Variants in CDH13 observed in about 807,000 individuals in gnomAD.
The protein encoded by CDH13 is cadherin 13.
CDH13 carries 24 observed loss-of-function variants against 63.8 expected under a neutral mutation model. That is an observed-to-expected ratio of 0.38 (90% confidence interval 0.27 to 0.53). CDH13 has a LOEUF of 0.53. CDH13 is among the 20% of genes least tolerant of loss of function. CDH13 has a pLI of 0.85. For synonymous variants in CDH13, 503 were observed against 355.3 expected, an observed-to-expected ratio of 1.42 and a Z score of -4.67; for missense variants, 1,049 against 903.1, an observed-to-expected ratio of 1.16 and a Z score of -2.07.
At position 83,741,500 on chromosome 16, in the gene CDH13, A is replaced by ATATATATG. The variant is rs1555523569; in HGVS notation, c.1539-6607_1539-6606insATATATGT. Among the ~76,000 whole-genome samples, 162 of 149,804 alleles carry ATATATATG rather than the reference A, an allele frequency of 1.1e-3. 1 individual carries two copies. The highest frequency in any genetic ancestry group is 1.4e-3 in the Non-Finnish European group (96 of 67,472). On this transcript the variant is annotated intron_variant, in intron 10 of 13. Coordinates refer to ENST00000567109, the MANE Select transcript of CDH13 (RefSeq NM_001257.5). ...TATATGTGTGTGTGTATATATATAT[A>ATATATATG]TGTGTGTGTGTGTGTATATATATGT... is the stretch of plus-strand genomic sequence containing the variant.
intron 4 of CDH13, among the ~76,000 whole-genome samples, chr16:83,198,928 C>G (rs989016764): frequency 1.3e-5 from 2 of 152,028 alleles, no homozygotes; most frequent in Admixed American, 6.6e-5. Flanking sequence ...AAAAAATATT[C>G]CTCTCTTGGG....
chr16:82,900,276 G>A (rs16958838), intron 2 of CDH13, among the ~76,000 whole-genome samples: 23,539 of 152,126 alleles, frequency 0.15, 2,093 homozygotes, highest in African/African-American at 0.24. Context: ...ATGTGAATAA[G>A]TGAATGAGCA....
rs201367658 is a variant in CDH13 at position 83,678,492 on chromosome 16, G to C, written c.1538+31G>C. The C allele has an allele frequency of 2.3e-4, 370 of 1,612,426 alleles. 1 individual carries two copies. The highest frequency in any genetic ancestry group is 6.9e-4 in the South Asian group (63 of 90,988). On this transcript the variant is annotated intron_variant, in intron 10 of 13. Coordinates refer to ENST00000567109, the MANE Select transcript of CDH13 (RefSeq NM_001257.5). Reference sequence around the variant, plus strand: ...TGAGTGGCTCCGGAACCACAGACGGGAGGTGGGCAGGAATGGCTTTTCCTT... The same window carrying C: ...TGAGTGGCTCCGGAACCACAGACGGCAGGTGGGCAGGAATGGCTTTTCCTT...
At chr16:83,343,813 C>T (rs1407962439) in intron 5 of CDH13, among the ~76,000 whole-genome samples, 1 of 152,174 alleles carries the variant, frequency 6.6e-6, no homozygotes, top group African/African-American at 2.4e-5. Flanking sequence ...TGGACTCCAC[C>T]ATTTATCTTC....
chr16:82,999,467 C>T (rs1446585062), intron 2 of CDH13, among the ~76,000 whole-genome samples: 2 of 151,938 alleles, frequency 1.3e-5, no homozygotes, highest in Admixed American at 1.3e-4. Flanking sequence ...TATAGATATG[C>T]CCTTACATCA....
rs369418513 is a variant in CDH13 at position 82,964,491 on chromosome 16, C to G, written c.158-67519C>G. On this transcript the variant is annotated intron_variant, in intron 2 of 13. Coordinates refer to ENST00000567109, the MANE Select transcript of CDH13 (RefSeq NM_001257.5). ...TAAAGAGAAAGAGGAGATAATTGTCCACATTGGATAAGGGCCACACAGGTT... is the reference window on the plus strand; with the variant it reads ...TAAAGAGAAAGAGGAGATAATTGTCGACATTGGATAAGGGCCACACAGGTT... Among the ~76,000 whole-genome samples, 3 of 152,276 alleles carry G rather than the reference C, an allele frequency of 2.0e-5. No homozygotes were observed. In the South Asian group the frequency reaches 6.2e-4, roughly 32 times the overall value.
chr16:83,241,342 T>C (rs184438485), intron 5 of CDH13, among the ~76,000 whole-genome samples: 58 of 152,352 alleles, frequency 3.8e-4, no homozygotes, highest in African/African-American at 1.2e-3. Flanking sequence ...CTTTCAGATA[T>C]GTAGCCAGGA....
chr16:82,984,050 T>G (rs1910626938), intron 2 of CDH13, among the ~76,000 whole-genome samples: 1 of 152,178 alleles, frequency 6.6e-6, no homozygotes, highest in Admixed American at 6.5e-5. Context: ...CAGACAGTTG[T>G]AGAAATTCAA....
chr16:83,340,034 C>T (rs1364718441), intron 5 of CDH13, among the ~76,000 whole-genome samples: 1 of 152,158 alleles, frequency 6.6e-6, no homozygotes, highest in East Asian at 1.9e-4. Context: ...CATCACCATT[C>T]TCTGTGACCT....
intron 10 of CDH13, among the ~76,000 whole-genome samples, chr16:83,683,619 CTTG>C (rs968313050): frequency 6.6e-6 from 1 of 152,098 alleles, no homozygotes; most frequent in African/African-American, 2.4e-5. Flanking sequence ...TATTTATTCC[CTTG>C]TTGTTGACTA....
At chr16:83,030,119 G>T (rs1229187376) in intron 2 of CDH13, among the ~76,000 whole-genome samples, 1 of 152,108 alleles carries the variant, frequency 6.6e-6, no homozygotes, top group African/African-American at 2.4e-5. Flanking sequence ...TGTTCATGCA[G>T]GGGGCCCATC....
chr16:83,571,611 C>T (rs116144406), intron 7 of CDH13, among the ~76,000 whole-genome samples: 2,780 of 152,130 alleles, frequency 0.018, 73 homozygotes, highest in African/African-American at 0.063. Flanking sequence ...TTGGGTCTGC[C>T]ACTCCTTAAT....
intron 1 of CDH13, among the ~76,000 whole-genome samples, chr16:82,767,633 A>G (rs996543984): frequency 2.0e-5 from 3 of 151,990 alleles, no homozygotes; most frequent in East Asian, 1.9e-4. Flanking sequence ...CTTTCTTTCC[A>G]TCACTCCCTG....
In CDH13 at chr16:83,349,844, G is replaced by A. The variant is rs577325340; in HGVS notation, c.781+4838G>A. On this transcript the variant is annotated intron_variant, in intron 6 of 13. Transcript: ENST00000567109. The stretch of plus-strand genomic sequence containing the variant: ...TTGAACTCCTGACCTCAGGTTATCC[G>A]CCCACCTTGGCCTCCCAAATGCTGG... Among the ~76,000 whole-genome samples, 63 of 152,038 alleles carry A rather than the reference G, an allele frequency of 4.1e-4. No homozygotes were observed. In the South Asian group the frequency reaches 8.3e-3, roughly 20 times the overall value.
chr16:82,691,155 G>A, intron 1 of CDH13, among the ~76,000 whole-genome samples: 1 of 152,224 alleles, frequency 6.6e-6, no homozygotes, highest in Admixed American at 6.5e-5. Context: ...AACAAGTCTG[G>A]ACCTTCAGGG....
At chr16:82,687,071 G>C (rs534482456) in intron 1 of CDH13, among the ~76,000 whole-genome samples, 4 of 152,226 alleles carry the variant, frequency 2.6e-5, no homozygotes, top group Admixed American at 2.0e-4. Flanking sequence ...AATGGGCAGA[G>C]AGGGGAATGG....
rs143186201 is a variant in CDH13 at position 83,545,708 on chromosome 16, T to C, written c.961-56746T>C. Among the ~76,000 whole-genome samples, 346 of 152,246 alleles carry C rather than the reference T, an allele frequency of 2.3e-3. 4 individuals are homozygous for C. Among genetic ancestry groups the C allele is most frequent in the African/African-American group, 7.8e-3 (323 of 41,534 alleles). The stretch of plus-strand genomic sequence containing the variant: ...CCATACAGTTCCTCTCCCTGCCGTA[T>C]CTTCTTGTGTGTCAATATTTATATC... On this transcript the variant is annotated intron_variant, in intron 7 of 13. Transcript: ENST00000567109.
chr16:82,693,236 A>C (rs1471489730), intron 1 of CDH13, among the ~76,000 whole-genome samples: 2 of 152,214 alleles, frequency 1.3e-5, no homozygotes, highest in Non-Finnish European at 2.9e-5. Context: ...TAGCTAAGGC[A>C]TGCCCTGTTT....
intron 4 of CDH13, among the ~76,000 whole-genome samples, chr16:83,128,819 C>G (rs183179333): frequency 6.6e-6 from 1 of 152,176 alleles, no homozygotes; most frequent in Non-Finnish European, 1.5e-5. Flanking sequence ...TGAGGACTCA[C>G]TTCTTCTTAG....
Sources: gnomAD v4.1 joint callset for allele counts (sites outside exome capture counted in the v4.1 genomes callset) on GRCh38, gnomAD v4.1.1 for gene constraint, MANE v1.5 for transcripts, NCBI Gene and HGNC (gene_info 2026-07-23, HGNC 2026-07-21) for gene names.